The following ZDBF2 variants were observed in gnomAD, a reference collection of about 807,000 sequenced individuals.
The protein encoded by ZDBF2 is zinc finger DBF-type containing 2, also known as DBF4-type zinc finger-containing protein 2.
In ZDBF2, 6 loss-of-function variants were observed where a neutral mutation model predicts 9.4. That is an observed-to-expected ratio of 0.64 (90% confidence interval 0.35 to 1.27). The LOEUF (loss-of-function observed/expected upper bound fraction) is 1.27. Ranked by LOEUF, ZDBF2 falls within the 50% of genes most tolerant of loss-of-function variation. The probability of loss-of-function intolerance (pLI) is 0.03; values close to 1 mark genes in which losing one functional copy is unlikely to be tolerated. For synonymous variants in ZDBF2, 905 were observed against 946.3 expected, an observed-to-expected ratio of 0.96 and a Z score of 0.80; for missense variants, 2,697 against 2,766.8, an observed-to-expected ratio of 0.97 and a Z score of 0.57.
chr2:206,307,022 G>T lies in ZDBF2; in HGVS notation c.2494G>T (p.Asp832Tyr). Residue 832 changes from aspartate to tyrosine, a missense_variant, in exon 5 of 5, where the codon GAT becomes TAT. Asp to Tyr is a radical substitution (Grantham distance 160). This residue lies in a region of ZDBF2 where 910 missense variants were observed against 973.6 expected (regional missense o/e 0.93). Transcript: ENST00000374423. ...ATCTTGTGTCTCTGAAATAACTTTT[G>T]ATTCTGATATTCCTCTTCATTCAGG... ...NESCVSEITF[D>Y]SDIPLHSGND... 1 of 1,613,526 alleles carries T rather than the reference G, an allele frequency of 6.2e-7. No homozygotes were observed.
At chr2:206,291,214 G>C (rs1176609501) in intron 3 of ZDBF2, among the ~76,000 whole-genome samples, 1 of 152,162 alleles carries the variant, frequency 6.6e-6, no homozygotes, top group African/African-American at 2.4e-5. Flanking sequence ...TTCCACAGAT[G>C]GGGTGGAGGG....
At chr2:206,286,230 G>A (rs1392754693) in intron 3 of ZDBF2, among the ~76,000 whole-genome samples, 1 of 152,160 alleles carries the variant, frequency 6.6e-6, no homozygotes, top group Admixed American at 6.5e-5. Context: ...GGTCTAAAAT[G>A]CAGTTTAAAT....
chr2:206,311,471 C>G lies in ZDBF2; in HGVS notation c.6943C>G (p.Arg2315Gly). ...RKKTDESYHG[R>G]QKGPSTPVRA... ...GAAGACTGATGAAAGCTACCATGGC[C>G]GACAGAAAGGTCCTTCTACACCTGT... The change falls in exon 5 of 5, where the codon CGA becomes GGA. Residue 2315 changes from arginine (R) to glycine (G), a missense_variant. Physicochemically the swap from Arg to Gly is moderately radical, Grantham distance 125 (BLOSUM62 -2). Coordinates refer to ENST00000374423, the MANE Select transcript of ZDBF2 (RefSeq NM_020923.3). 6.2e-7 allele frequency: 1 copy of G among 1,612,208 alleles called. No homozygotes were observed.
chr2:206,288,752 C>T (rs1691729345), intron 3 of ZDBF2, among the ~76,000 whole-genome samples: 1 of 152,064 alleles, frequency 6.6e-6, no homozygotes, highest in East Asian at 1.9e-4. Context: ...GAGATTCTAC[C>T]CCTGAAGGGC....
chr2:206,294,182 A>G (rs141825920), intron 3 of ZDBF2, among the ~76,000 whole-genome samples: 141 of 152,334 alleles, frequency 9.3e-4, no homozygotes, highest in Non-Finnish European at 1.6e-3. Flanking sequence ...AAAATTTCAA[A>G]ACTATAGTAT....
At chr2:206,303,551 G>A (rs1283500990) in intron 4 of ZDBF2, among the ~76,000 whole-genome samples, 4 of 152,164 alleles carry the variant, frequency 2.6e-5, no homozygotes. Flanking sequence ...ACTGGTAGAA[G>A]AGATTCATAG....
intron 3 of ZDBF2, among the ~76,000 whole-genome samples, chr2:206,292,351 GA>G (rs1270768243): frequency 2.0e-5 from 3 of 152,046 alleles, no homozygotes; most frequent in Non-Finnish European, 2.9e-5. Context: ...AACAGAAAAG[GA>G]AAAATTGAAA....
chr2:206,297,255 A>C lies in ZDBF2; in HGVS notation c.70A>C (p.Ser24Arg). The C allele has an allele frequency of 7.4e-7, 1 of 1,346,004 alleles. No individual in the cohort carries two copies. The highest frequency in any genetic ancestry group is 1.1e-6 in the Non-Finnish European group (1 of 937,080). The allele number at this position is 1,346,004 out of a possible 1,614,324, so 83.4% of individuals were successfully genotyped here. A position where few individuals can be genotyped will look rare whatever the true frequency, so the allele number is the denominator to read the frequency against. Residue 24 changes from serine (S) to arginine (R), a missense_variant, in exon 4 of 5, where the codon AGT becomes CGT. Around this residue, in one of 3 missense-constraint regions of ZDBF2, gnomAD observed 910 missense variants for 973.6 expected, o/e 0.93. Transcript: ENST00000374423. ...QYNNLEQHLFSAQHRSLTRQS... is the reference protein window; with the variant it reads ...QYNNLEQHLFRAQHRSLTRQS... Reference sequence around the variant, plus strand: ...TCTTTTTTCTTTATAGCATTTGTTCAGTGCTCAGCACAGGAGTTTGACCAG... The same window carrying C: ...TCTTTTTTCTTTATAGCATTTGTTCCGTGCTCAGCACAGGAGTTTGACCAG...
chr2:206,293,888 CTAA>C (rs1692029867), intron 3 of ZDBF2, among the ~76,000 whole-genome samples: 1 of 152,042 alleles, frequency 6.6e-6, no homozygotes, highest in Non-Finnish European at 1.5e-5. Context: ...AGTTTCACTC[CTAA>C]TAATGCACTC....
intron 3 of ZDBF2, among the ~76,000 whole-genome samples, chr2:206,293,472 A>G (rs1009411185): frequency 7.9e-5 from 12 of 152,178 alleles, no homozygotes; most frequent in African/African-American, 2.4e-4. Flanking sequence ...AAACAATGGA[A>G]GATGATTAAG....
At chr2:206,303,768 T>G (rs1383420236) in intron 4 of ZDBF2, among the ~76,000 whole-genome samples, 1 of 152,102 alleles carries the variant, frequency 6.6e-6, no homozygotes, top group East Asian at 1.9e-4. Context: ...CTCCAGATAT[T>G]CTAAGTGCAT....
At chr2:206,284,843 C>T (rs986808943) in intron 3 of ZDBF2, among the ~76,000 whole-genome samples, 10 of 152,172 alleles carry the variant, frequency 6.6e-5, no homozygotes, top group Admixed American at 3.3e-4. Flanking sequence ...ATTCTCCTGC[C>T]TCAGCTTCCC....
chr2:206,282,170 T>C (rs886734072), intron 3 of ZDBF2, among the ~76,000 whole-genome samples: 5 of 152,176 alleles, frequency 3.3e-5, no homozygotes, highest in African/African-American at 1.2e-4. Flanking sequence ...TTGTGATAAA[T>C]GTTATGAGGA....
chr2:206,306,691 G>A lies in ZDBF2; in HGVS notation c.2163G>A (p.Glu721=), dbSNP rs1410947092. ...PASLYHSAHD[E]PQEALDEVNL... is the part of the protein sequence containing the mutation. ...CTCTTTATCATTCAGCTCATGATGA[G>A]CCTCAAGAAGCTTTGGATGAAGTAA... The change falls in exon 5 of 5, where the codon GAG becomes GAA. Residue 721 remains glutamate, a synonymous_variant. Transcript: ENST00000374423. 6.2e-7 allele frequency: 1 copy of A among 1,613,814 alleles called. No individual in the cohort carries two copies. The highest frequency in any genetic ancestry group is 1.7e-5 in the Admixed American group (1 of 59,980).
chr2:206,302,225 G>A (rs1484258358), intron 4 of ZDBF2, among the ~76,000 whole-genome samples: 1 of 152,014 alleles, frequency 6.6e-6, no homozygotes, highest in East Asian at 1.9e-4. Flanking sequence ...GCCAAGGCTG[G>A]TCTCAAACTC....
At position 206,311,555 on chromosome 2, in the gene ZDBF2, C is replaced by T. The variant is rs1257364790; in HGVS notation, c.7027C>T (p.Arg2343Trp). ...ACAACAACGTGAGAGAATGATGACT[C>T]GGCTAGCAAACAAACTGAGAGGTAA... ...CLQQRERMMTRLANKLRGNEV... is the reference protein window; with the variant it reads ...CLQQRERMMTWLANKLRGNEV... The change falls in exon 5 of 5, where the codon CGG becomes TGG. Residue 2343 changes from arginine (R) to tryptophan (W), a missense_variant. By Grantham distance (101) the Arg-to-Trp change is moderately radical (BLOSUM62 -3). Around this residue, in one of 3 missense-constraint regions of ZDBF2, gnomAD observed 1,783 missense variants for 1,776.5 expected, o/e 1.00. Transcript: ENST00000374423. The T allele has an allele frequency of 2.0e-6, 3 of 1,525,080 alleles. No homozygotes were observed. Among genetic ancestry groups the T allele is most frequent in the Non-Finnish European group, 2.6e-6 (3 of 1,137,992 alleles). 94.5% of individuals were successfully genotyped at this position (1,525,080 alleles called of 1,614,324 possible). A position where few individuals can be genotyped will look rare whatever the true frequency, so the allele number is the denominator to read the frequency against.
At chr2:206,278,920 T>C (rs1408823446) in intron 1 of ZDBF2, among the ~76,000 whole-genome samples, 1 of 152,180 alleles carries the variant, frequency 6.6e-6, no homozygotes, top group Non-Finnish European at 1.5e-5. Flanking sequence ...TTTGTCTCTA[T>C]CCCTTAAAGT....
chr2:206,284,332 T>C (rs1161366314), intron 3 of ZDBF2, among the ~76,000 whole-genome samples: 1 of 152,174 alleles, frequency 6.6e-6, no homozygotes, highest in East Asian at 1.9e-4. Context: ...TAATTATACA[T>C]ATGTATGGGG....
rs1334845040 is a variant in ZDBF2, at chr2:206,304,599, T to C, written c.189-118T>C. On this transcript the variant is annotated intron_variant, in intron 4 of 4. Transcript: ENST00000374423. ...GTTCAGCCTGGGGTGACTGCCTGGA[T>C]TCCTTGTCCTTTAAGGATAGTCCAG... The C allele has an allele frequency of 4.7e-6, 6 of 1,277,412 alleles. No homozygotes were observed. In the African/African-American group the frequency reaches 9.1e-5, roughly 19 times the overall value. 79.1% of individuals were successfully genotyped at this position (1,277,412 alleles called of 1,614,324 possible).
Sources: allele counts gnomAD v4.1 joint callset (sites outside exome capture counted in the v4.1 genomes callset), GRCh38; gene constraint gnomAD v4.1.1; regional missense constraint gnomAD v4.1.1; transcripts MANE v1.5; gene names NCBI Gene and HGNC (gene_info 2026-07-23, HGNC 2026-07-21).